The following MIA3 variants were observed in gnomAD, a reference collection of about 807,000 sequenced individuals.
MIA3 encodes the protein MIA SH3 domain ER export factor 3, also known as transport and Golgi organization protein 1 homolog.
In MIA3, 90 loss-of-function variants were observed where a neutral mutation model predicts 192.4. The ratio of observed to expected loss-of-function variants is 0.47; its 90% CI spans 0.39 to 0.56. The LOEUF (loss-of-function observed/expected upper bound fraction) is 0.56, where lower values mean the gene tolerates loss of function less well. Ranked by LOEUF, MIA3 falls within the 20% of genes least tolerant of loss-of-function variation. MIA3 has a pLI of 0.00. For missense variants in MIA3, 2,123 were observed against 2,269.4 expected (o/e 0.94, Z 1.31); for synonymous variants, 740 against 792.8 (o/e 0.93, Z 1.12).
At position 222,627,811 on chromosome 1, in the gene MIA3, T is replaced by G. The variant is rs1304890468; in HGVS notation, c.591T>G (p.Thr197=). ...EESDSVFSEN[T]EDLQEQFTTQ... ...GTGATAGTGTATTCTCAGAAAACAC[T>G]GAGGATCTTCAGGAACAGTTTACAA... The change falls in exon 4 of 28, where the codon ACT becomes ACG. Residue 197 remains threonine (T), a synonymous_variant. Transcript: ENST00000344922. 4 of 1,613,992 alleles carry G rather than the reference T, an allele frequency of 2.5e-6. No homozygotes were observed. Among genetic ancestry groups the G allele is most frequent in the Non-Finnish European group, 3.4e-6 (4 of 1,180,010 alleles).
rs201517328 is a variant in MIA3 at position 222,662,316 on chromosome 1, T to G, written c.5246T>G (p.Val1749Gly). Residue 1749 changes from valine to glycine, a missense_variant, in exon 26 of 28, where the codon GTA (valine) becomes GGA (glycine). Physicochemically the swap from Val to Gly is moderately radical, Grantham distance 109. This residue lies in a region of MIA3 where 762 missense variants were observed against 856.4 expected (regional missense o/e 0.89). Coordinates refer to ENST00000344922, the MANE Select transcript of MIA3 (RefSeq NM_198551.4). The stretch of plus-strand genomic sequence containing the variant: ...TCAAGAGGCTCTTCCCCTACCAGGG[T>G]ACTCGATGAAGGCAAGGTAAATGCA... ...SSSRGSSPTR[V>G]LDEGKVNMAP... 6.2e-7 allele frequency: 1 copy of G among 1,613,986 alleles called. No individual in the cohort carries two copies. Among genetic ancestry groups the G allele is most frequent in the South Asian group, 1.1e-5 (1 of 91,080 alleles).
intron 13 of MIA3, 65 bp from the exon 14 acceptor site, chr1:222,652,943 T>C: frequency 2.0e-6 from 3 of 1,535,340 alleles, no homozygotes; most frequent in Non-Finnish European, 2.6e-6. Context: ...GTCTCATTCA[T>C]GTGGTCCTAA....
At chr1:222,649,261 A>G (rs1663297413) in intron 8 of MIA3, 1 of 154,510 alleles carries the variant, frequency 6.5e-6, no homozygotes, top group African/African-American at 2.4e-5. Context: ...ACATATTTGA[A>G]GTGATGCCAT....
chr1:222,632,388 T>A, intron 5 of MIA3, 62 bp downstream of exon 5: 1 of 1,420,698 alleles, frequency 7.0e-7, no homozygotes. Context: ...TTCTAGGAGA[T>A]TCATTGTCAA....
At chr1:222,620,793 C>G (rs1200031430) in intron 1 of MIA3, among the ~76,000 whole-genome samples, 9 of 152,074 alleles carry the variant, frequency 5.9e-5, no homozygotes, top group Non-Finnish European at 1.2e-4. Context: ...CAAAAGGAAG[C>G]TTTTTATGAA....
At chr1:222,648,572 T>A (rs1011436829) in intron 7 of MIA3, among the ~76,000 whole-genome samples, 2 of 152,222 alleles carry the variant, frequency 1.3e-5, no homozygotes, top group African/African-American at 2.4e-5. Context: ...CATTTAGATA[T>A]ATAAACATAT....
chr1:222,626,133 G>C (rs1216034584), intron 3 of MIA3, among the ~76,000 whole-genome samples: 3 of 152,222 alleles, frequency 2.0e-5, no homozygotes, highest in Non-Finnish European at 4.4e-5. Context: ...TCTTTGAGTA[G>C]CTCTTTGGAG....
Position 222,627,575 on chromosome 1 carries a change from G to C in MIA3, c.355G>C (p.Glu119Gln), listed in dbSNP as rs1662176767. The change falls in exon 4 of 28, where the codon GAG becomes CAG. Residue 119 changes from glutamate to glutamine, a missense_variant and splice_region_variant. Transcript: ENST00000344922. ...TKEELQVPTD[E>Q]TDFVCFDGGR... ...ACTAATGTTTTTCTTTTTCTTACAG[G>C]AGACGGATTTTGTTTGTTTTGATGG... The C allele has an allele frequency of 1.3e-6, 2 of 1,569,322 alleles. No homozygotes were observed. Among genetic ancestry groups the C allele is most frequent in the Non-Finnish European group, 1.7e-6 (2 of 1,163,968 alleles).
intron 6 of MIA3, among the ~76,000 whole-genome samples, chr1:222,640,814 C>G (rs1662821038): frequency 2.0e-5 from 3 of 152,132 alleles, no homozygotes; most frequent in African/African-American, 7.2e-5. Flanking sequence ...AAACTACAGA[C>G]TGGGAAAGAG....
intron 2 of MIA3, among the ~76,000 whole-genome samples, chr1:222,623,280 T>G (rs1417104594): frequency 6.6e-6 from 1 of 151,834 alleles, no homozygotes; most frequent in Admixed American, 6.6e-5. Context: ...GTTTTTTTTT[T>G]TGTTTTTTTT....
rs549915805 is a variant in MIA3, at chr1:222,640,193, C to T, written c.3478-5361C>T. 2.0e-5 allele frequency among the ~76,000 whole-genome samples: 3 copies of T among 152,094 alleles called. No homozygotes were observed. The East Asian group carries it at 5.8e-4, about 29-fold the overall frequency. Reference sequence around the variant, plus strand: ...TATTGCTGATAGAAATTAAAGAAGACCTAAATAGATGGAGAGATAGACCTT... The same window carrying T: ...TATTGCTGATAGAAATTAAAGAAGATCTAAATAGATGGAGAGATAGACCTT... On this transcript the variant is annotated intron_variant, in intron 6 of 27. Coordinates refer to ENST00000344922, the MANE Select transcript of MIA3 (RefSeq NM_198551.4).
chr1:222,634,557 AT>A (rs890243338), intron 6 of MIA3, among the ~76,000 whole-genome samples: 1 of 152,166 alleles, frequency 6.6e-6, no homozygotes, highest in African/African-American at 2.4e-5. Flanking sequence ...CAAATGAGAC[AT>A]TTAATGTCTA....
In MIA3 at chr1:222,654,730, C is replaced by G. The variant is rs201558591; in HGVS notation, c.4544C>G (p.Thr1515Ser). 1.3e-5 allele frequency: 21 copies of G among 1,614,084 alleles called. No homozygotes were observed. In the African/African-American group the frequency reaches 2.5e-4, roughly 19 times the overall value. ...GCTGGACTGGAAGATGAATGCAAAA[C>G]CTTGAGGCAGAAAGTGGAGATTCTG... ...AKAGLEDECK[T>S]LRQKVEILNE... The change falls in exon 18 of 28, where the codon ACC becomes AGC. Residue 1515 changes from threonine to serine, a missense_variant. Thr to Ser is a moderately conservative substitution (Grantham distance 58, BLOSUM62 1). This residue lies in a region of MIA3 where 762 missense variants were observed against 856.4 expected (regional missense o/e 0.89). Coordinates refer to ENST00000344922, the MANE Select transcript of MIA3 (RefSeq NM_198551.4).
At chr1:222,631,238 C>T (rs767662738) in intron 4 of MIA3, among the ~76,000 whole-genome samples, 1 of 152,044 alleles carries the variant, frequency 6.6e-6, no homozygotes, top group Non-Finnish European at 1.5e-5. Context: ...CCTCCCATCT[C>T]AGCCTCCTAA....
chr1:222,659,213 T>C (rs957534526), intron 19 of MIA3: 5 of 515,282 alleles, frequency 9.7e-6, no homozygotes, highest in South Asian at 5.6e-5. Flanking sequence ...TGAGAACATA[T>C]TTAGGAACAG....
chr1:222,629,606 G>A lies in MIA3; in HGVS notation c.2386G>A (p.Ala796Thr). The part of the protein sequence containing the change: ...LDSEKTSETA[A>T]KGVNTGGREP... ...TAGCGAAAAAACAAGTGAGACTGCT[G>A]CCAAAGGGGTCAACACAGGAGGCAG... is the stretch of plus-strand genomic sequence containing the variant. The change falls in exon 4 of 28, where the codon GCC becomes ACC. Residue 796 changes from alanine to threonine, a missense_variant. By Grantham distance (58) the Ala-to-Thr change is moderately conservative. This residue lies in a region of MIA3 where 1,357 missense variants were observed against 1,396.1 expected (regional missense o/e 0.97). Transcript: ENST00000344922. 6.2e-7 allele frequency: 1 copy of A among 1,614,058 alleles called. No individual in the cohort carries two copies. Among genetic ancestry groups the A allele is most frequent in the Non-Finnish European group, 8.5e-7 (1 of 1,179,984 alleles).
At chr1:222,637,408 G>T (rs1662675518) in intron 6 of MIA3, among the ~76,000 whole-genome samples, 1 of 151,976 alleles carries the variant, frequency 6.6e-6, no homozygotes, top group Admixed American at 6.6e-5. Context: ...TCTTTATATT[G>T]TTCCTCCTTC....
intron 2 of MIA3, among the ~76,000 whole-genome samples, chr1:222,623,198 C>A (rs540331049): frequency 6.6e-6 from 1 of 152,136 alleles, no homozygotes; most frequent in South Asian, 2.1e-4. Flanking sequence ...ATGAAATCAA[C>A]AGTACCTTGG....
At position 222,619,098 on chromosome 1, in the gene MIA3, G is replaced by A. The variant is rs182812057; in HGVS notation, c.133+855G>A. The stretch of plus-strand genomic sequence containing the variant: ...CGGAATTGCTCTCCAGTCTGGGATT[G>A]GAGGTGGGCGGTGGAGAGGGCACAG... On this transcript the variant is annotated intron_variant, in intron 1 of 27. Coordinates refer to ENST00000344922, the MANE Select transcript of MIA3 (RefSeq NM_198551.4). Among the ~76,000 whole-genome samples the A allele has an allele frequency of 1.3e-3, 205 of 152,340 alleles. 1 individual carries two copies. Among genetic ancestry groups the A allele is most frequent in the African/African-American group, 4.7e-3 (196 of 41,576 alleles).
Sources: allele counts gnomAD v4.1 joint callset (sites outside exome capture counted in the v4.1 genomes callset), GRCh38; gene constraint gnomAD v4.1.1; regional missense constraint gnomAD v4.1.1; transcripts MANE v1.5; gene names NCBI Gene and HGNC (gene_info 2026-07-23, HGNC 2026-07-21).